Variants in GSTA4 observed in about 807,000 individuals in gnomAD.
GSTA4 encodes glutathione S-transferase A4.
A neutral mutation model predicts 24.4 loss-of-function variants in GSTA4; 15 were observed. That is an observed-to-expected ratio of 0.61 (90% CI 0.41 to 0.95). The LOEUF (loss-of-function observed/expected upper bound fraction) is 0.95, where lower values mean the gene tolerates loss of function less well. GSTA4 is among the 40% of genes least tolerant of loss of function. GSTA4 has a pLI of 0.00. For missense variants in GSTA4, 244 were observed against 262.1 expected (o/e 0.93, Z 0.48); for synonymous variants, 92 against 94.2 (o/e 0.98, Z 0.13).
chr6:52,989,505 C>T (rs1297137164), intron 2 of GSTA4, among the ~76,000 whole-genome samples: 1 of 151,876 alleles, frequency 6.6e-6, no homozygotes, highest in Admixed American at 6.6e-5. Context: ...GCAAATGTAG[C>T]AAAATGTTAA....
At chr6:52,979,591 C>T (rs972713196) in intron 6 of GSTA4, among the ~76,000 whole-genome samples, 4 of 152,160 alleles carry the variant, frequency 2.6e-5, no homozygotes, top group African/African-American at 7.2e-5. Context: ...TATGAAGAAG[C>T]ATATGCTCAT....
At chr6:52,983,160 C>T (rs1763486544) in intron 5 of GSTA4, among the ~76,000 whole-genome samples, 1 of 152,118 alleles carries the variant, frequency 6.6e-6, no homozygotes, top group African/African-American at 2.4e-5. Context: ...TCTTATTTCC[C>T]AGTTCTGCTG....
intron 2 of GSTA4, among the ~76,000 whole-genome samples, chr6:52,992,498 A>G (rs764325348): frequency 4.6e-5 from 7 of 152,234 alleles, no homozygotes; most frequent in Non-Finnish European, 5.9e-5. Context: ...GGCAGAGACT[A>G]CCTTAACCAT....
chr6:52,994,403 T>C, intron 1 of GSTA4, 142 bp from the exon 2 acceptor site: 1 of 532,120 alleles, frequency 1.9e-6, no homozygotes, highest in Non-Finnish European at 3.4e-6. Context: ...TTTCCCTCAC[T>C]CAAGAAAAAA....
At chr6:52,988,964 T>C (rs1406858809) in intron 2 of GSTA4, among the ~76,000 whole-genome samples, 2 of 152,164 alleles carry the variant, frequency 1.3e-5, no homozygotes, top group Admixed American at 6.5e-5. Flanking sequence ...CCCAGACAGT[T>C]AAGGCATTGT....
intron 1 of GSTA4, chr6:52,994,469 T>G: frequency 2.0e-6 from 1 of 505,482 alleles, no homozygotes; most frequent in Non-Finnish European, 3.5e-6. Context: ...TGATTTCTAT[T>G]TATGACTTCT....
chr6:52,985,603 G>C lies in GSTA4; in HGVS notation c.140-20C>G, dbSNP rs1763536900. The C allele has an allele frequency of 1.2e-6, 2 of 1,612,666 alleles. No individual in the cohort carries two copies. Among genetic ancestry groups the C allele is most frequent in the Non-Finnish European group, 1.7e-6 (2 of 1,179,092 alleles). On this transcript the variant is annotated intron_variant, in intron 3 of 6. Transcript: ENST00000370963. The stretch of plus-strand genomic sequence containing the variant: ...GGTTACCTGAGAATGGAAGCCCAGA[G>C]TTAGAAGTGATCTTTTCTTCTCTGT...
intron 5 of GSTA4, among the ~76,000 whole-genome samples, 178 bp from the exon 6 acceptor site, chr6:52,982,883 GGGAGA>G (rs946411346): frequency 4.6e-5 from 4 of 87,842 alleles, no homozygotes; most frequent in African/African-American, 7.3e-5. Context: ...GAGAGAGAGG[GGGAGA>G]GAGAGAGAGA....
intron 1 of GSTA4, 128 bp from the exon 2 acceptor site, chr6:52,994,389 G>T: frequency 1.9e-6 from 1 of 538,738 alleles, no homozygotes; most frequent in Non-Finnish European, 3.3e-6. Flanking sequence ...TTTTGTTGCT[G>T]CATTTTCCCT....
chr6:52,978,449 C>G lies in GSTA4; in HGVS notation c.*21G>C, dbSNP rs1412747429. The stretch of plus-strand genomic sequence containing the variant: ...TACCATCTCTAGGAACACACTGTCA[C>G]TCACACATGGATGTGTTGTTTTATG... On this transcript the variant is annotated 3_prime_UTR_variant, in exon 7 of 7. Transcript: ENST00000370963. The G allele has an allele frequency of 6.2e-7, 1 of 1,610,462 alleles. No homozygotes were observed. Among genetic ancestry groups the G allele is most frequent in the East Asian group, 2.2e-5 (1 of 44,818 alleles).
At chr6:52,988,239 A>T (rs1763599383) in intron 2 of GSTA4, among the ~76,000 whole-genome samples, 1 of 151,738 alleles carries the variant, frequency 6.6e-6, no homozygotes, top group Non-Finnish European at 1.5e-5. Context: ...ATTATGGATT[A>T]TAACACCCAA....
chr6:52,994,396 C>A, intron 1 of GSTA4, 135 bp from the exon 2 acceptor site: 1 of 548,610 alleles, frequency 1.8e-6, no homozygotes. Flanking sequence ...GCTGCATTTT[C>A]CCTCACTCAA....
chr6:52,981,249 T>C (rs1289060668), intron 6 of GSTA4, among the ~76,000 whole-genome samples: 1 of 152,230 alleles, frequency 6.6e-6, no homozygotes, highest in Non-Finnish European at 1.5e-5. Flanking sequence ...AAATATTTAA[T>C]AGACTTGGCA....
intron 6 of GSTA4, among the ~76,000 whole-genome samples, chr6:52,979,535 T>A (rs1763410750): frequency 6.6e-6 from 1 of 152,226 alleles, no homozygotes; most frequent in Non-Finnish European, 1.5e-5. Flanking sequence ...CAATTCTCAG[T>A]AACTGAGAAG....
chr6:52,987,329 G>A, intron 3 of GSTA4, 28 bp downstream of exon 3: 1 of 1,412,322 alleles, frequency 7.1e-7, no homozygotes. Flanking sequence ...ATCAGTATTA[G>A]AGGCAGTTGT....
intron 2 of GSTA4, among the ~76,000 whole-genome samples, chr6:52,991,085 C>A (rs1409109619): frequency 2.0e-5 from 3 of 152,236 alleles, no homozygotes; most frequent in Non-Finnish European, 1.5e-5. Context: ...CATAACCCAA[C>A]AACTCACATT....
chr6:52,993,666 G>C (rs1763706077), intron 2 of GSTA4, among the ~76,000 whole-genome samples: 1 of 152,176 alleles, frequency 6.6e-6, no homozygotes, highest in Non-Finnish European at 1.5e-5. Context: ...GAAGTCGGGT[G>C]ATGAGTACAT....
chr6:52,980,362 T>C (rs148574275), intron 6 of GSTA4, among the ~76,000 whole-genome samples: 439 of 151,612 alleles, frequency 2.9e-3, no homozygotes, highest in Admixed American at 3.8e-3. Context: ...TGCAGTGCAG[T>C]GGCATGATCT....
chr6:52,984,622 AG>A lies in GSTA4; in HGVS notation c.273-18del, dbSNP rs773162730. 1 of 1,608,292 alleles carries A rather than the reference AG, an allele frequency of 6.2e-7. No individual in the cohort carries two copies. Among genetic ancestry groups the A allele is most frequent in the Admixed American group, 1.7e-5 (1 of 59,160 alleles). On this transcript the variant is annotated intron_variant, in intron 4 of 6. Transcript: ENST00000370963. ...ATGTCAATCCTTAAAACAAAAAAGC[AG>A]TTGTCTCAGTTTCTCCTCTCTTTGA...
Sources: gnomAD v4.1 joint callset for allele counts (sites outside exome capture counted in the v4.1 genomes callset) on GRCh38, gnomAD v4.1.1 for gene constraint, MANE v1.5 for transcripts, NCBI Gene and HGNC (gene_info 2026-07-23, HGNC 2026-07-21) for gene names.